TTBK2: variants seen among roughly 807,000 people sequenced by gnomAD.
TTBK2 encodes the protein tau tubulin kinase 2, also known as tau-tubulin kinase 2.
TTBK2 carries 28 observed loss-of-function variants against 110.8 expected under a neutral mutation model. The ratio of observed to expected loss-of-function variants is 0.25; its 90% CI spans 0.19 to 0.35. The LOEUF (loss-of-function observed/expected upper bound fraction) is 0.35. Among genes scored for constraint, TTBK2 ranks in the 10% least tolerant of loss-of-function variants. The pLI is 1.00. For missense variants in TTBK2, 1,369 were observed against 1,500.3 expected, an observed-to-expected ratio of 0.91 and a Z score of 1.45; for synonymous variants, 532 against 527.3, an observed-to-expected ratio of 1.01 and a Z score of -0.12.
intron 1 of TTBK2, among the ~76,000 whole-genome samples, chr15:42,879,597 T>C (rs1894955377): frequency 6.6e-6 from 1 of 151,390 alleles, no homozygotes; most frequent in East Asian, 1.9e-4. Context: ...TACACAATTA[T>C]GTAAACGAAT....
intron 4 of TTBK2, among the ~76,000 whole-genome samples, chr15:42,831,109 A>G (rs1892742549): frequency 6.6e-6 from 1 of 151,968 alleles, no homozygotes; most frequent in Admixed American, 6.6e-5. Flanking sequence ...ATTACTGCCT[A>G]ACATATATTC....
At chr15:42,875,409 C>A (rs568265589) in intron 2 of TTBK2, among the ~76,000 whole-genome samples, 13 of 152,230 alleles carry the variant, frequency 8.5e-5, no homozygotes, top group African/African-American at 3.1e-4. Context: ...TCCTGCTCTT[C>A]TTCAATGTGA....
intron 2 of TTBK2, among the ~76,000 whole-genome samples, chr15:42,875,611 A>T (rs1274090396): frequency 1.3e-5 from 2 of 152,106 alleles, no homozygotes; most frequent in African/African-American, 4.8e-5. Context: ...ACCATGTAAG[A>T]AATGGGACCA....
At chr15:42,779,323 C>T (rs186426008) in intron 11 of TTBK2, among the ~76,000 whole-genome samples, 27 of 151,496 alleles carry the variant, frequency 1.8e-4, no homozygotes, top group South Asian at 1.0e-3. Context: ...GCAGGAGAAT[C>T]GCTTTAACCC....
intron 3 of TTBK2, among the ~76,000 whole-genome samples, chr15:42,868,931 C>A (rs1233882054): frequency 3.9e-5 from 6 of 151,958 alleles, no homozygotes; most frequent in African/African-American, 1.2e-4. Flanking sequence ...CAGGATTCTA[C>A]ATGTGTACCA....
rs771061117 is a variant in TTBK2 at position 42,802,205 on chromosome 15, G to C, written c.823-7404C>G. 3.9e-6 allele frequency: 4 copies of C among 1,014,482 alleles called. No individual in the cohort carries two copies. The Admixed American group carries it at 6.8e-5, about 17-fold the overall frequency. 62.8% of individuals were successfully genotyped at this position (1,014,482 alleles called of 1,614,324 possible). A position where few individuals can be genotyped will look rare whatever the true frequency, so the allele number is the denominator to read the frequency against. ...AGGTTAAGAGGGCTCAGCAGGCTTT[G>C]GTTGACAGTGATGGTGGTGATGCCT... On this transcript the variant is annotated intron_variant, in intron 9 of 14. Transcript: ENST00000267890.
At chr15:42,860,642 T>TTC (rs1555432328) in intron 3 of TTBK2, among the ~76,000 whole-genome samples, 4 of 106,082 alleles carry the variant, frequency 3.8e-5, no homozygotes, top group African/African-American at 1.6e-4. Context: ...TATTCTTTCT[T>TTC]TTTTTTTTTT....
At chr15:42,789,162 A>G (rs144876119) in intron 10 of TTBK2, among the ~76,000 whole-genome samples, 2 of 152,262 alleles carry the variant, frequency 1.3e-5, no homozygotes, top group African/African-American at 4.8e-5. Flanking sequence ...TTCATCCCAC[A>G]TATCTGCTAT....
intron 11 of TTBK2, among the ~76,000 whole-genome samples, chr15:42,778,115 C>T (rs1890010895): frequency 6.6e-6 from 1 of 151,630 alleles, no homozygotes; most frequent in Admixed American, 6.6e-5. Flanking sequence ...ACATTTAAAA[C>T]TCCCAAATAT....
intron 1 of TTBK2, among the ~76,000 whole-genome samples, chr15:42,901,867 T>C (rs1040079749): frequency 2.6e-5 from 4 of 151,958 alleles, no homozygotes; most frequent in African/African-American, 9.7e-5. Context: ...AAATGGTCAA[T>C]AAACATGAAA....
chr15:42,791,582 G>C (rs1164121120), intron 10 of TTBK2, among the ~76,000 whole-genome samples: 1 of 151,598 alleles, frequency 6.6e-6, no homozygotes, highest in Non-Finnish European at 1.5e-5. Flanking sequence ...CTTCAATTAT[G>C]AGATAATTTT....
Position 42,741,544 on chromosome 15 carries a change from A to G in TTBK2, c.*4251T>C, listed in dbSNP as rs1595868775. The G allele has an allele frequency of 2.6e-5, 4 of 152,346 alleles. No homozygotes were observed. Among genetic ancestry groups the G allele is most frequent in the Admixed American group, 2.6e-4 (4 of 15,300 alleles). The allele number at this position is 152,346 out of a possible 1,614,324, so 9.4% of individuals were successfully genotyped here. A position where few individuals can be genotyped will look rare whatever the true frequency, so the allele number is the denominator to read the frequency against. ...TGCTAAAGTACCTCTCCCCTGAGGC[A>G]AAGTCCCGACACATCTGTGGTAAGT... On this transcript the variant is annotated 3_prime_UTR_variant, in exon 15 of 15. Coordinates refer to ENST00000267890, the MANE Select transcript of TTBK2 (RefSeq NM_173500.4).
At position 42,817,093 on chromosome 15, in the gene TTBK2, C is replaced by T. The variant is rs1277410297; in HGVS notation, c.542G>A (p.Arg181Gln). The T allele has an allele frequency of 6.2e-7, 1 of 1,606,770 alleles. No individual in the cohort carries two copies. ...TNSCGDVRPP[R>Q]AVAGFRGTVR... is the part of the protein sequence containing the mutation. ...TGTCCCTCGAAAACCTGCCACAGCTCGAGGCTACAACGAAGCCATGCAAAG... is the reference window on the plus strand; with the variant it reads ...TGTCCCTCGAAAACCTGCCACAGCTTGAGGCTACAACGAAGCCATGCAAAG... Residue 181 changes from arginine (R) to glutamine (Q), a missense_variant, in exon 7 of 15, where the codon CGA (arginine) becomes CAA (glutamine). Coordinates refer to ENST00000267890, the MANE Select transcript of TTBK2 (RefSeq NM_173500.4).
At chr15:42,874,919 G>C (rs907750150) in intron 2 of TTBK2, among the ~76,000 whole-genome samples, 3 of 151,506 alleles carry the variant, frequency 2.0e-5, no homozygotes, top group Admixed American at 6.6e-5. Flanking sequence ...CTGGGAGGCA[G>C]AGGTTGCAGT....
intron 3 of TTBK2, among the ~76,000 whole-genome samples, chr15:42,863,076 C>G (rs1436708082): frequency 1.3e-5 from 2 of 151,958 alleles, no homozygotes; most frequent in Non-Finnish European, 2.9e-5. Flanking sequence ...AGGAATCAGG[C>G]AACAGAAAGA....
intron 1 of TTBK2, among the ~76,000 whole-genome samples, chr15:42,905,616 C>G (rs1567088098): frequency 6.6e-6 from 1 of 152,074 alleles, no homozygotes; most frequent in East Asian, 1.9e-4. Flanking sequence ...CCAAACAAGA[C>G]TTAATGAAAA....
intron 2 of TTBK2, among the ~76,000 whole-genome samples, chr15:42,874,474 G>A (rs1438112455): frequency 6.6e-6 from 1 of 151,444 alleles, no homozygotes; most frequent in Admixed American, 6.6e-5. Context: ...GCACCACCAC[G>A]CTTGGCTAAT....
intron 3 of TTBK2, among the ~76,000 whole-genome samples, chr15:42,861,236 C>T (rs548906345): frequency 1.3e-5 from 2 of 152,254 alleles, no homozygotes; most frequent in South Asian, 4.1e-4. Context: ...GACTTAAACT[C>T]GACACTCAAC....
In TTBK2 at chr15:42,794,821, A is replaced by G. The variant is rs942702098; in HGVS notation, c.823-20T>C. 5 of 1,613,888 alleles carry G rather than the reference A, an allele frequency of 3.1e-6. No homozygotes were observed. Among genetic ancestry groups the G allele is most frequent in the Admixed American group, 1.7e-5 (1 of 60,006 alleles). On this transcript the variant is annotated intron_variant, in intron 9 of 14. Coordinates refer to ENST00000267890, the MANE Select transcript of TTBK2 (RefSeq NM_173500.4). The stretch of plus-strand genomic sequence containing the variant: ...AAGAAGCTAAACCACAAAGAAAAAA[A>G]CTAGAGTAAGTGAACAGTAAACATA...
Sources: allele counts gnomAD v4.1 joint callset (sites outside exome capture counted in the v4.1 genomes callset), GRCh38; gene constraint gnomAD v4.1.1; transcripts MANE v1.5; gene names NCBI Gene and HGNC (gene_info 2026-07-23, HGNC 2026-07-21).